ADAMTSL1: variants seen among roughly 807,000 people sequenced by gnomAD.
The protein encoded by ADAMTSL1 is ADAMTS-like protein 1.
A neutral mutation model predicts 201.8 loss-of-function variants in ADAMTSL1; 126 were observed. That is an observed-to-expected ratio of 0.62 (90% CI 0.54 to 0.72). ADAMTSL1 has a LOEUF of 0.72. Ranked by LOEUF, ADAMTSL1 falls within the 30% of genes least tolerant of loss-of-function variation. The pLI is 0.00. For missense variants in ADAMTSL1, 2,679 were observed against 2,277.8 expected (o/e 1.18, Z -3.59); for synonymous variants, 1,121 against 903.4 (o/e 1.24, Z -4.32).
At chr9:18,646,811 T>G (rs924192753) in intron 7 of ADAMTSL1, among the ~76,000 whole-genome samples, 4 of 152,156 alleles carry the variant, frequency 2.6e-5, no homozygotes, top group Non-Finnish European at 5.9e-5. Context: ...TTGAGGATTT[T>G]TGCATCAATG....
At chr9:18,672,799 G>C (rs747667695) in intron 9 of ADAMTSL1, among the ~76,000 whole-genome samples, 2 of 152,162 alleles carry the variant, frequency 1.3e-5, no homozygotes. Context: ...GGACAATTCA[G>C]TAAGACATGT....
intron 1 of ADAMTSL1, among the ~76,000 whole-genome samples, chr9:18,127,566 G>A (rs1825792022): frequency 6.6e-6 from 1 of 151,658 alleles, no homozygotes; most frequent in African/African-American, 2.4e-5. Context: ...TTTTACCAGT[G>A]CCAAAATGTT....
At chr9:18,703,810 CCTTT>C (rs1161804110) in intron 13 of ADAMTSL1, among the ~76,000 whole-genome samples, 1 of 146,706 alleles carries the variant, frequency 6.8e-6, no homozygotes, top group Non-Finnish European at 1.5e-5. Flanking sequence ...AGTAGAATGG[CCTTT>C]CTATTTTATG....
intron 4 of ADAMTSL1, among the ~76,000 whole-genome samples, chr9:18,606,477 C>T (rs901980071): frequency 2.0e-5 from 3 of 152,148 alleles, no homozygotes; most frequent in East Asian, 1.9e-4. Context: ...ACAGAGCGCT[C>T]GCATGAGTAG....
intron 2 of ADAMTSL1, among the ~76,000 whole-genome samples, chr9:18,524,501 G>A (rs1430609485): frequency 3.9e-5 from 6 of 152,094 alleles, no homozygotes; most frequent in African/African-American, 7.2e-5. Context: ...GTGAGAGAGG[G>A]CATCCCTGTT....
chr9:18,255,170 A>G (rs919276639), intron 2 of ADAMTSL1, among the ~76,000 whole-genome samples: 3 of 152,138 alleles, frequency 2.0e-5, no homozygotes, highest in African/African-American at 4.8e-5. Context: ...TTGGTGTTTT[A>G]GTGTCCTGGC....
In ADAMTSL1 at chr9:18,826,302, T is replaced by C. The variant is rs1451276268; in HGVS notation, c.3953T>C (p.Val1318Ala). ...TTCCTAGGAGTGCCTGAAGCTGAAG[T>C]CACTTGGTTCAGGAATAAAAGCAAA... ...CQVAGVPEAE[V>A]TWFRNKSKLG... The change falls in exon 22 of 29, where the codon GTC becomes GCC. Residue 1318 changes from valine (V) to alanine (A), a missense_variant. Physicochemically the swap from Val to Ala is moderately conservative, Grantham distance 64 (BLOSUM62 0). Transcript: ENST00000380548. 6.2e-7 allele frequency: 1 copy of C among 1,612,004 alleles called. No individual in the cohort carries two copies.
chr9:18,449,579 C>G (rs1316737553), intron 2 of ADAMTSL1, among the ~76,000 whole-genome samples: 1 of 152,026 alleles, frequency 6.6e-6, no homozygotes, highest in East Asian at 1.9e-4. Flanking sequence ...ATTATCACAT[C>G]CTGTGTTTTA....
At chr9:18,244,476 C>T (rs1484616059) in intron 2 of ADAMTSL1, among the ~76,000 whole-genome samples, 1 of 152,112 alleles carries the variant, frequency 6.6e-6, no homozygotes, top group African/African-American at 2.4e-5. Flanking sequence ...TGTACTTCTC[C>T]AGTCTTTGGC....
At chr9:18,681,994 A>T (rs367587613) in intron 12 of ADAMTSL1, 35 bp downstream of exon 12, 41 of 1,610,598 alleles carry the variant, frequency 2.5e-5, no homozygotes, top group Non-Finnish European at 3.2e-5. Flanking sequence ...CAGCCTGTTA[A>T]TTGTTGTGTG....
chr9:18,071,871 A>G (rs930146735), intron 1 of ADAMTSL1, among the ~76,000 whole-genome samples: 7 of 152,226 alleles, frequency 4.6e-5, no homozygotes, highest in African/African-American at 1.7e-4. Context: ...GAATGATGAT[A>G]TTCATCAGCC....
At chr9:18,492,930 A>C (rs1822337471) in intron 1 of ADAMTSL1, among the ~76,000 whole-genome samples, 1 of 152,156 alleles carries the variant, frequency 6.6e-6, no homozygotes. Flanking sequence ...TGCTATCAAT[A>C]TTATGTATGT....
At chr9:18,108,597 C>A (rs961857313) in intron 1 of ADAMTSL1, among the ~76,000 whole-genome samples, 4 of 151,930 alleles carry the variant, frequency 2.6e-5, no homozygotes, top group African/African-American at 4.8e-5. Flanking sequence ...GTTGGAGAGG[C>A]CTTGGACTTC....
At chr9:18,697,670 A>T (rs971364902) in intron 13 of ADAMTSL1, among the ~76,000 whole-genome samples, 4 of 152,218 alleles carry the variant, frequency 2.6e-5, no homozygotes, top group African/African-American at 9.7e-5. Context: ...GTTTATATAT[A>T]TTTTCAAGGG....
chr9:18,886,202 A>ATATG (rs1828871869), intron 23 of ADAMTSL1, among the ~76,000 whole-genome samples: 1 of 134,264 alleles, frequency 7.4e-6, no homozygotes, highest in Non-Finnish European at 1.6e-5. Flanking sequence ...ATATATATAT[A>ATATG]TATATATATA....
intron 2 of ADAMTSL1, among the ~76,000 whole-genome samples, chr9:18,203,879 A>G (rs977547085): frequency 5.3e-5 from 8 of 152,128 alleles, no homozygotes; most frequent in Admixed American, 2.0e-4. Flanking sequence ...CCTACATTTC[A>G]GTGTTGAAAT....
intron 2 of ADAMTSL1, among the ~76,000 whole-genome samples, chr9:18,214,817 C>G (rs185244072): frequency 2.0e-5 from 3 of 151,902 alleles, no homozygotes; most frequent in Non-Finnish European, 2.9e-5. Context: ...ACTAGGAAGC[C>G]ACACAAAAGC....
At chr9:18,698,907 C>T (rs1381837882) in intron 13 of ADAMTSL1, among the ~76,000 whole-genome samples, 1 of 152,096 alleles carries the variant, frequency 6.6e-6, no homozygotes. Context: ...GTGGGACCCT[C>T]CGTTAGTAAG....
intron 2 of ADAMTSL1, among the ~76,000 whole-genome samples, chr9:18,173,938 C>A (rs998815077): frequency 1.3e-5 from 2 of 152,022 alleles, no homozygotes; most frequent in African/African-American, 2.4e-5. Flanking sequence ...GGTTAGTATT[C>A]AAATTCCTGA....
Sources: gnomAD v4.1 joint callset for allele counts (sites outside exome capture counted in the v4.1 genomes callset) on GRCh38, gnomAD v4.1.1 for gene constraint, MANE v1.5 for transcripts, NCBI Gene and HGNC (gene_info 2026-07-23, HGNC 2026-07-21) for gene names.